Variants in CEP104 observed in about 807,000 individuals in gnomAD.
The protein encoded by CEP104 is centrosomal protein of 104 kDa.
CEP104 carries 84 observed loss-of-function variants against 113.3 expected under a neutral mutation model. The observed-to-expected ratio is 0.74, with a 90% confidence interval of 0.62 to 0.89. The LOEUF (loss-of-function observed/expected upper bound fraction) is 0.89. CEP104 is among the 40% of genes least tolerant of loss of function. The pLI is 0.00. For synonymous variants in CEP104, 378 were observed against 421.7 expected, an observed-to-expected ratio of 0.90 and a Z score of 1.27; for missense variants, 1,053 against 1,156.6, an observed-to-expected ratio of 0.91 and a Z score of 1.30.
rs867833295 is a variant in CEP104 at position 3,844,891 on chromosome 1, G to C, written c.566+16C>G. 3 of 1,602,060 alleles carry C rather than the reference G, an allele frequency of 1.9e-6. No homozygotes were observed. The highest frequency in any genetic ancestry group is 1.7e-4 in the Middle Eastern group (1 of 6,046). On this transcript the variant is annotated intron_variant, in intron 6 of 21. Coordinates refer to ENST00000378230, the MANE Select transcript of CEP104 (RefSeq NM_014704.4). ...GAAAGTAAAAGAAGTTCATTGATGG[G>C]GAGCAGGACTCTTACCTGGCGTACG...
At chr1:3,838,131 CCA>C (rs1644349141) in intron 8 of CEP104, among the ~76,000 whole-genome samples, 1 of 152,176 alleles carries the variant, frequency 6.6e-6, no homozygotes, top group Non-Finnish European at 1.5e-5. Flanking sequence ...GGATTTGAAC[CCA>C]GACAGTCCAG....
intron 18 of CEP104, 125 bp downstream of exon 18, chr1:3,825,633 A>C: frequency 3.0e-6 from 2 of 667,468 alleles, no homozygotes; most frequent in South Asian, 3.4e-5. Context: ...GCTTGGCTTC[A>C]GTTACTTTTC....
At position 3,823,374 on chromosome 1, in the gene CEP104, G is replaced by C. The variant is rs772616530; in HGVS notation, c.2503+50C>G. The C allele has an allele frequency of 3.7e-6, 6 of 1,613,764 alleles. No individual in the cohort carries two copies. In the Admixed American group the frequency reaches 8.3e-5, roughly 22 times the overall value. On this transcript the variant is annotated intron_variant, in intron 19 of 21. Coordinates refer to ENST00000378230, the MANE Select transcript of CEP104 (RefSeq NM_014704.4). The surrounding 1 kb of genome is among the most constrained non-coding windows in gnomAD (Gnocchi z 4.1). ...TCAAGAGCAGTGGCACTTCCTCCAA[G>C]AGGACCCCTGGTGACCCGAGGGCAC...
rs4648417 is a variant in CEP104 at position 3,830,755 on chromosome 1, C to T, written c.1836+291G>A. Among the ~76,000 whole-genome samples, 16,085 of 135,432 alleles carry T rather than the reference C, an allele frequency of 0.12. 1,346 individuals carry two copies. Among genetic ancestry groups the T allele is most frequent in the East Asian group, 0.34 (1,621 of 4,822 alleles). 88.8% of individuals were successfully genotyped at this position (135,432 alleles called of 152,430 possible). ...GGCACCACTGCACCTCCAGCCTGGG[C>T]GACAGAACGAGACTCCATCTCAAAA... is the stretch of plus-strand genomic sequence containing the variant. On this transcript the variant is annotated intron_variant, in intron 13 of 21. Coordinates refer to ENST00000378230, the MANE Select transcript of CEP104 (RefSeq NM_014704.4).
At chr1:3,846,387 A>T (rs1004217526) in intron 4 of CEP104, among the ~76,000 whole-genome samples, 2 of 152,194 alleles carry the variant, frequency 1.3e-5, no homozygotes, top group Non-Finnish European at 2.9e-5. Flanking sequence ...GCTGGCACAA[A>T]CTGGGAAACC....
intron 20 of CEP104, among the ~76,000 whole-genome samples, chr1:3,822,010 C>T (rs998629283): frequency 1.2e-4 from 18 of 152,196 alleles, no homozygotes; most frequent in South Asian, 2.1e-4. Flanking sequence ...GTCCCGATTC[C>T]GAAAGCTCCG....
At chr1:3,829,585 C>T in intron 14 of CEP104, 1 of 665,524 alleles carries the variant, frequency 1.5e-6, no homozygotes. Flanking sequence ...ATTCCGTTTG[C>T]AGCCTGGGAA....
intron 2 of CEP104, among the ~76,000 whole-genome samples, chr1:3,851,126 C>T (rs569458267): frequency 3.9e-5 from 6 of 152,186 alleles, no homozygotes; most frequent in African/African-American, 1.2e-4. Flanking sequence ...GGCAGTGCAT[C>T]GGCCACGGCC....
At chr1:3,838,760 C>T (rs915462124) in intron 8 of CEP104, among the ~76,000 whole-genome samples, 2 of 152,206 alleles carry the variant, frequency 1.3e-5, no homozygotes, top group East Asian at 1.9e-4. Context: ...CCCTTTCCCA[C>T]GACTGTGAGT....
intron 21 of CEP104, among the ~76,000 whole-genome samples, chr1:3,815,795 T>TCTTGAGC (rs1295134452): frequency 2.0e-5 from 3 of 152,008 alleles, no homozygotes; most frequent in African/African-American, 7.2e-5. Flanking sequence ...TTCAAGCAAT[T>TCTTGAGC]CTCCTGCTTC....
chr1:3,836,468 G>GTTTTTTTTTTTT, intron 10 of CEP104, 27 bp downstream of exon 10: 15 of 1,010,592 alleles, frequency 1.5e-5, no homozygotes, highest in South Asian at 6.2e-5. Flanking sequence ...CTGCCACCCC[G>GTTTTTTTTTTTT]TTTTTTTTTT....
chr1:3,834,917 G>GC lies in CEP104; in HGVS notation c.1485+7dup. On this transcript the variant is annotated splice_region_variant and intron_variant, in intron 11 of 21. Coordinates refer to ENST00000378230, the MANE Select transcript of CEP104 (RefSeq NM_014704.4). ...ACGCTGGAGCCAGCGCCAGCTGAGG[G>GC]CACTCACGGAGGTCACAATGTCCTT... 6.4e-7 allele frequency: 1 copy of GC among 1,573,618 alleles called. No homozygotes were observed. Among genetic ancestry groups the GC allele is most frequent in the Non-Finnish European group, 8.6e-7 (1 of 1,158,294 alleles).
intron 21 of CEP104, among the ~76,000 whole-genome samples, chr1:3,815,839 C>T (rs1410786464): frequency 6.6e-6 from 1 of 152,134 alleles, no homozygotes; most frequent in Non-Finnish European, 1.5e-5. Context: ...AGGTGCCGGC[C>T]ACTGTGCCCG....
chr1:3,838,539 A>G (rs1283876476), intron 8 of CEP104, among the ~76,000 whole-genome samples: 1 of 152,170 alleles, frequency 6.6e-6, no homozygotes, highest in Non-Finnish European at 1.5e-5. Context: ...CATTTGCATG[A>G]GTTCTAAAAT....
At chr1:3,845,776 T>C (rs933576222) in intron 4 of CEP104, among the ~76,000 whole-genome samples, 2 of 152,226 alleles carry the variant, frequency 1.3e-5, no homozygotes, top group Non-Finnish European at 2.9e-5. Context: ...ATTCTAATGC[T>C]AACCAAATGG....
chr1:3,853,407 A>G (rs78653465), intron 1 of CEP104, among the ~76,000 whole-genome samples: 31,175 of 150,642 alleles, frequency 0.21, 3,577 homozygotes, highest in Non-Finnish European at 0.25. Context: ...CATCGGGGGA[A>G]AAAAAAAAAG....
At chr1:3,836,384 A>C (rs2124671271) in intron 10 of CEP104, 111 bp downstream of exon 10, 1 of 1,102,260 alleles carries the variant, frequency 9.1e-7, no homozygotes, top group East Asian at 2.5e-5. Context: ...TTACAAATGC[A>C]AAGCCGTGGG....
intron 2 of CEP104, among the ~76,000 whole-genome samples, chr1:3,851,544 G>T (rs758916598): frequency 6.6e-6 from 1 of 152,140 alleles, no homozygotes; most frequent in Non-Finnish European, 1.5e-5. Context: ...GACTGAGGGC[G>T]GAGGGCAGAT....
chr1:3,834,957 C>T lies in CEP104; in HGVS notation c.1453G>A (p.Val485Ile), dbSNP rs11800891. The T allele has an allele frequency of 1.4e-4, 230 of 1,604,566 alleles. No individual in the cohort carries two copies. In the African/African-American group the frequency reaches 1.6e-3, roughly 11 times the overall value. Reference sequence around the variant, plus strand: ...ACAATGTCCTTTATGGCTCTTCTAACGAGAAAGACGGATGCTCTCAGTGTG... The same window carrying T: ...ACAATGTCCTTTATGGCTCTTCTAATGAGAAAGACGGATGCTCTCAGTGTG... ...KNTLRASVFL[V>I]RRAIKDIVTS... is the part of the protein sequence containing the mutation. The change falls in exon 11 of 22, where the codon GTT becomes ATT. Residue 485 changes from valine (V) to isoleucine (I), a missense_variant. Transcript: ENST00000378230.
Sources: gnomAD v4.1 joint callset for allele counts (sites outside exome capture counted in the v4.1 genomes callset) on GRCh38, gnomAD v4.1.1 for gene constraint, Gnocchi (gnomAD v3.1) non-coding constraint, MANE v1.5 for transcripts, NCBI Gene and HGNC (gene_info 2026-07-23, HGNC 2026-07-21) for gene names.